Variants in CRISP1 observed in about 807,000 individuals in gnomAD.
CRISP1 encodes cysteine rich secretory protein 1.
A neutral mutation model predicts 33.1 loss-of-function variants in CRISP1; 44 were observed. That is an observed-to-expected ratio of 1.33 (90% CI 1.05 to 1.71). The LOEUF (loss-of-function observed/expected upper bound fraction) is 1.71, where lower values mean the gene tolerates loss of function less well. Ranked by LOEUF, CRISP1 falls within the 40% of genes most tolerant of loss-of-function variation. The probability of loss-of-function intolerance (pLI) is 0.00; values close to 1 mark genes in which losing one functional copy is unlikely to be tolerated. For missense variants in CRISP1, 390 were observed against 301.2 expected, an observed-to-expected ratio of 1.29 and a Z score of -2.18; for synonymous variants, 103 against 98.7, an observed-to-expected ratio of 1.04 and a Z score of -0.26.
chr6:49,836,340 A>AT lies in CRISP1; in HGVS notation c.623-898dup, dbSNP rs556684394. The stretch of plus-strand genomic sequence containing the variant: ...TAAATTTTATTTTTATTTTTATTTT[A>AT]TTTTTTTTTTTTTGAGACGGAGTCT... On this transcript the variant is annotated intron_variant, in intron 7 of 7. Coordinates refer to ENST00000335847, the MANE Select transcript of CRISP1 (RefSeq NM_001131.3). Among the ~76,000 whole-genome samples the AT allele has an allele frequency of 4.7e-3, 665 of 142,978 alleles. 6 individuals carry two copies. The highest frequency in any genetic ancestry group is 0.015 in the Admixed American group (217 of 14,464). 93.8% of individuals were successfully genotyped at this position (142,978 alleles called of 152,430 possible). A position where few individuals can be genotyped will look rare whatever the true frequency, so the allele number is the denominator to read the frequency against.
At chr6:49,838,572 CACATAAAACTTTACTCACAGTGT>C in intron 6 of CRISP1, 47 bp from the exon 7 acceptor site, 1 of 1,452,996 alleles carries the variant, frequency 6.9e-7, no homozygotes, top group Non-Finnish European at 9.6e-7. Flanking sequence ...TTGAAAAACT[CACATAAAACTTTACTCACAGTGT>C]ACAACCAATT....
intron 1 of CRISP1, among the ~76,000 whole-genome samples, chr6:49,865,535 T>C (rs1217559663): frequency 2.6e-5 from 4 of 152,180 alleles, no homozygotes; most frequent in Non-Finnish European, 5.9e-5. Context: ...ATTTGATCCA[T>C]TGCATTATAT....
At chr6:49,839,938 A>G (rs536512535) in intron 6 of CRISP1, among the ~76,000 whole-genome samples, 1 of 152,214 alleles carries the variant, frequency 6.6e-6, no homozygotes, top group Non-Finnish European at 1.5e-5. Flanking sequence ...TTTCAAATAA[A>G]TCATGTTCAT....
rs1770752256 is a variant in CRISP1 at position 49,835,373 on chromosome 6, G to A, written c.693C>T (p.His231=). ...DIQVHYLGCN[H]STTILFCKAT... ...CTTTACAGAATAGGATAGTTGTTGA[G>A]TGGTTGCATCCCAGATAATGGACTT... The change falls in exon 8 of 8, where the codon CAC becomes CAT. Residue 231 remains histidine (H), a synonymous_variant. Coordinates refer to ENST00000335847, the MANE Select transcript of CRISP1 (RefSeq NM_001131.3). The A allele has an allele frequency of 6.2e-7, 1 of 1,613,722 alleles. No individual in the cohort carries two copies. The highest frequency in any genetic ancestry group is 1.3e-5 in the African/African-American group (1 of 75,034).
upstream of CRISP1, among the ~76,000 whole-genome samples, chr6:49,869,325 G>A (rs1771871008): frequency 6.6e-6 from 1 of 152,284 alleles, no homozygotes; most frequent in East Asian, 1.9e-4. Context: ...CAGGGCTTCT[G>A]ATTATCCTTA....
At chr6:49,846,724 A>T in intron 4 of CRISP1, 56 bp from the exon 5 acceptor site, 3 of 1,529,266 alleles carry the variant, frequency 2.0e-6, no homozygotes, top group Non-Finnish European at 1.8e-6. Flanking sequence ...ATAGTATACA[A>T]GGAGACTTTC....
At chr6:49,861,529 G>A (rs753531222) in intron 1 of CRISP1, among the ~76,000 whole-genome samples, 5 of 152,054 alleles carry the variant, frequency 3.3e-5, no homozygotes, top group Non-Finnish European at 7.4e-5. Flanking sequence ...CTCCTTAAAA[G>A]CATTTGATAA....
chr6:49,840,834 T>C, intron 6 of CRISP1, 64 bp downstream of exon 6: 2 of 1,287,822 alleles, frequency 1.6e-6, no homozygotes, highest in African/African-American at 1.5e-5. Flanking sequence ...AAAAAAACAA[T>C]GTTTGAAAAA....
In CRISP1 at chr6:49,851,920, A is replaced by C. The variant is rs925555445; in HGVS notation, c.195+81T>G. ...TGAAGATAAAACTTTTAGCACTTTG[A>C]AAGTGCATAGAACTTAATAAAACTC... On this transcript the variant is annotated intron_variant, in intron 3 of 7. Transcript: ENST00000335847. The C allele has an allele frequency of 6.8e-6, 10 of 1,469,644 alleles. No individual in the cohort carries two copies. The African/African-American group carries it at 1.4e-4, about 21-fold the overall frequency. The allele number at this position is 1,469,644 out of a possible 1,614,324, so 91.0% of individuals were successfully genotyped here.
intron 1 of CRISP1, among the ~76,000 whole-genome samples, chr6:49,862,813 C>T (rs1451320677): frequency 7.7e-6 from 1 of 129,286 alleles, no homozygotes; most frequent in Non-Finnish European, 1.7e-5. Context: ...AGAAAAGAAG[C>T]TACAAAAAAA....
Position 49,866,470 on chromosome 6 carries a change from C to G in CRISP1, c.-44G>C, listed in dbSNP as rs1771799862. ...TTTAAATTTGTGTCCTGATAAGAAC[C>G]AAGCCTTTCTCTATGTAGTGTATTT... is the stretch of plus-strand genomic sequence containing the variant. On this transcript the variant is annotated 5_prime_UTR_variant, in exon 1 of 8. Transcript: ENST00000335847. 2 of 152,078 alleles carry G rather than the reference C, an allele frequency of 1.3e-5. No individual in the cohort carries two copies. Among genetic ancestry groups the G allele is most frequent in the Admixed American group, 1.3e-4 (2 of 15,230 alleles). The allele number at this position is 152,078 out of a possible 1,614,324, so 9.4% of individuals were successfully genotyped here. A position where few individuals can be genotyped will look rare whatever the true frequency, so the allele number is the denominator to read the frequency against.
At chr6:49,869,465 C>T (rs147273408), upstream of CRISP1, among the ~76,000 whole-genome samples, 102 of 152,158 alleles carry the variant, frequency 6.7e-4, no homozygotes, top group African/African-American at 2.0e-3. Flanking sequence ...AGCTCTAATT[C>T]GATTAACAAG....
rs1241670024 is a variant in CRISP1, at chr6:49,834,929, C to T, written c.*387G>A. 1 of 144,752 alleles carries T rather than the reference C, an allele frequency of 6.9e-6. No homozygotes were observed. Among genetic ancestry groups the T allele is most frequent in the African/African-American group, 2.7e-5 (1 of 37,388 alleles). 9.0% of individuals were successfully genotyped at this position (144,752 alleles called of 1,614,324 possible). ...AAATTTTAAAAGTGAAGAATTATTA[C>T]TGGATGTTAGTTGTGCAGGGAAGAT... On this transcript the variant is annotated 3_prime_UTR_variant, in exon 8 of 8. Transcript: ENST00000335847.
At chr6:49,874,071 T>A (rs1379325924) in intron 1 of CRISP1, among the ~76,000 whole-genome samples, 1 of 152,072 alleles carries the variant, frequency 6.6e-6, no homozygotes, top group Non-Finnish European at 1.5e-5. Flanking sequence ...TATACCATGT[T>A]GAATTTTTGT....
intron 1 of CRISP1, among the ~76,000 whole-genome samples, chr6:49,875,372 C>A (rs1772013943): frequency 6.6e-6 from 1 of 151,818 alleles, no homozygotes; most frequent in African/African-American, 2.4e-5. Flanking sequence ...AGGAGAACTA[C>A]AAACTACTGC....
At chr6:49,854,874 T>C (rs1196593916) in intron 2 of CRISP1, among the ~76,000 whole-genome samples, 1 of 152,118 alleles carries the variant, frequency 6.6e-6, no homozygotes, top group Non-Finnish European at 1.5e-5. Flanking sequence ...GCTGCTAAAT[T>C]CCTGCAAGGC....
intron 1 of CRISP1, among the ~76,000 whole-genome samples, chr6:49,871,961 T>G (rs1379012174): frequency 1.3e-5 from 2 of 152,166 alleles, no homozygotes; most frequent in Admixed American, 6.5e-5. Flanking sequence ...TCTAGATCCC[T>G]GAGGAATCGC....
intron 2 of CRISP1, among the ~76,000 whole-genome samples, chr6:49,854,654 G>A (rs1459209064): frequency 3.9e-5 from 6 of 152,008 alleles, no homozygotes; most frequent in Non-Finnish European, 7.4e-5. Flanking sequence ...GGAAAATATC[G>A]CCAACTCTGG....
At chr6:49,874,112 A>T (rs1185948150) in intron 1 of CRISP1, among the ~76,000 whole-genome samples, 1 of 152,112 alleles carries the variant, frequency 6.6e-6, no homozygotes, top group Non-Finnish European at 1.5e-5. Flanking sequence ...TAGAAAAAAA[A>T]TAAACAAATG....
Sources: gnomAD v4.1 joint callset for allele counts (sites outside exome capture counted in the v4.1 genomes callset) on GRCh38, gnomAD v4.1.1 for gene constraint, MANE v1.5 for transcripts, NCBI Gene and HGNC (gene_info 2026-07-23, HGNC 2026-07-21) for gene names.